PLPPR5: variants seen among roughly 807,000 people sequenced by gnomAD.
PLPPR5 encodes the protein phospholipid phosphatase related 5.
A neutral mutation model predicts 33.9 loss-of-function variants in PLPPR5; 16 were observed. The observed-to-expected ratio is 0.47, with a 90% CI of 0.32 to 0.72. The LOEUF (loss-of-function observed/expected upper bound fraction) is 0.72. PLPPR5 is among the 30% of genes least tolerant of loss of function. The pLI, the probability that PLPPR5 is intolerant of heterozygous loss-of-function variation, is 0.03. For missense variants in PLPPR5, 301 were observed against 406.7 expected (o/e 0.74, Z 2.23); for synonymous variants, 163 against 150.3 (o/e 1.08, Z -0.62).
chr1:98,943,462 A>C (rs1223650534), intron 3 of PLPPR5, among the ~76,000 whole-genome samples: 1 of 152,144 alleles, frequency 6.6e-6, no homozygotes, highest in Non-Finnish European at 1.5e-5. Flanking sequence ...TAGTGTCATC[A>C]CGGTCCCCTG....
chr1:98,890,905 C>T lies in PLPPR5; in HGVS notation c.*2167G>A, dbSNP rs147886570. 1 of 152,342 alleles carries T rather than the reference C, an allele frequency of 6.6e-6. No individual in the cohort carries two copies. The highest frequency in any genetic ancestry group is 1.9e-4 in the East Asian group (1 of 5,164). 9.4% of individuals were successfully genotyped at this position (152,342 alleles called of 1,614,324 possible). A position where few individuals can be genotyped will look rare whatever the true frequency, so the allele number is the denominator to read the frequency against. ...ACTCCTGCATTCGTATCAGGTTTAG[C>T]AAGGTGCAAAGAAGCAACCTTGACA... On this transcript the variant is annotated 3_prime_UTR_variant, in exon 6 of 6. Coordinates refer to ENST00000263177, the MANE Select transcript of PLPPR5 (RefSeq NM_001037317.2).
Position 98,891,008 on chromosome 1 carries a change from G to A in PLPPR5, c.*2064C>T, listed in dbSNP as rs1268639870. The stretch of plus-strand genomic sequence containing the variant: ...TTGGAAGTCTGATGTAGAATCAATA[G>A]AACTGATAGAAGTCTGGAAGCCTTA... On this transcript the variant is annotated 3_prime_UTR_variant, in exon 6 of 6. Coordinates refer to ENST00000263177, the MANE Select transcript of PLPPR5 (RefSeq NM_001037317.2). 2.6e-5 allele frequency: 4 copies of A among 152,206 alleles called. No individual in the cohort carries two copies. The highest frequency in any genetic ancestry group is 2.0e-4 in the Admixed American group (3 of 15,272). 9.4% of individuals were successfully genotyped at this position (152,206 alleles called of 1,614,324 possible). A position where few individuals can be genotyped will look rare whatever the true frequency, so the allele number is the denominator to read the frequency against.
At chr1:98,924,232 A>G (rs139069252) in intron 3 of PLPPR5, among the ~76,000 whole-genome samples, 50 of 152,322 alleles carry the variant, frequency 3.3e-4, no homozygotes, top group African/African-American at 1.2e-3. Flanking sequence ...GTTAGGTATC[A>G]CTGTTACCTC....
chr1:98,976,092 T>TA (rs34637022), intron 1 of PLPPR5, among the ~76,000 whole-genome samples: 19,657 of 74,678 alleles, frequency 0.26, 2,077 homozygotes, highest in African/African-American at 0.34. Context: ...TACTAAAAAG[T>TA]AAAAAAAAAA....
intron 4 of PLPPR5, among the ~76,000 whole-genome samples, chr1:98,915,594 G>C (rs1336803257): frequency 6.6e-6 from 1 of 151,352 alleles, no homozygotes; most frequent in Non-Finnish European, 1.5e-5. Flanking sequence ...AAAATAAAAA[G>C]CCTGATGTTC....
In PLPPR5 at chr1:98,916,394, C is replaced by T. The variant is rs575451009; in HGVS notation, c.799-1474G>A. ...GCTTGGAGATGGATACTTGATAAAG[C>T]TACTACCTCATGATGTTACCAGCTT... On this transcript the variant is annotated intron_variant, in intron 4 of 5. Coordinates refer to ENST00000263177, the MANE Select transcript of PLPPR5 (RefSeq NM_001037317.2). 3.3e-5 allele frequency among the ~76,000 whole-genome samples: 5 copies of T among 152,256 alleles called. No individual in the cohort carries two copies. In the South Asian group the frequency reaches 1.0e-3, roughly 32 times the overall value.
rs367889856 is a variant in PLPPR5 at position 98,972,990 on chromosome 1, C to T, written c.238-16249G>A. Among the ~76,000 whole-genome samples the T allele has an allele frequency of 5.2e-4, 79 of 152,088 alleles. 1 individual carries two copies. Among genetic ancestry groups the T allele is most frequent in the African/African-American group, 1.8e-3 (73 of 41,510 alleles). ...AAAAAGGGCAATCGTTGTGCAATCACGAGGGGAGTCAGCCCAGGGTAGAAC... is the reference window on the plus strand; with the variant it reads ...AAAAAGGGCAATCGTTGTGCAATCATGAGGGGAGTCAGCCCAGGGTAGAAC... On this transcript the variant is annotated intron_variant, in intron 1 of 5. Coordinates refer to ENST00000263177, the MANE Select transcript of PLPPR5 (RefSeq NM_001037317.2).
intron 5 of PLPPR5, among the ~76,000 whole-genome samples, chr1:98,899,825 ATTGT>A (rs1648625109): frequency 1.3e-5 from 2 of 152,000 alleles, no homozygotes; most frequent in Admixed American, 1.3e-4. Flanking sequence ...CACCCAGCTA[ATTGT>A]TTGTTTCACT....
At chr1:99,002,794 T>C (rs1162623479) in intron 1 of PLPPR5, among the ~76,000 whole-genome samples, 1 of 151,988 alleles carries the variant, frequency 6.6e-6, no homozygotes, top group African/African-American at 2.4e-5. Context: ...GTTACAGACA[T>C]TATTGATTAT....
intron 1 of PLPPR5, among the ~76,000 whole-genome samples, chr1:98,968,161 A>T (rs1651518565): frequency 6.6e-6 from 1 of 151,154 alleles, no homozygotes; most frequent in Non-Finnish European, 1.5e-5. Flanking sequence ...ACTCACATAA[A>T]GGTAGCAAAC....
rs546514356 is a variant in PLPPR5 at position 98,917,010 on chromosome 1, G to A, written c.799-2090C>T. ...GGTTGCAATAGATCACTAAGTTAAC[G>A]TCATTTCTTTGGCTGGCAAAGGTAT... On this transcript the variant is annotated intron_variant, in intron 4 of 5. Coordinates refer to ENST00000263177, the MANE Select transcript of PLPPR5 (RefSeq NM_001037317.2). 3.7e-4 allele frequency among the ~76,000 whole-genome samples: 56 copies of A among 152,114 alleles called. 1 individual carries two copies. In the South Asian group the frequency reaches 0.01, roughly 28 times the overall value.
chr1:98,988,392 T>C (rs948534574), intron 1 of PLPPR5, among the ~76,000 whole-genome samples: 3 of 152,098 alleles, frequency 2.0e-5, no homozygotes, highest in African/African-American at 7.2e-5. Flanking sequence ...AAAAAGCTTA[T>C]GTTTATGAAG....
intron 5 of PLPPR5, among the ~76,000 whole-genome samples, chr1:98,904,855 T>G (rs1028589819): frequency 6.6e-6 from 1 of 151,968 alleles, no homozygotes; most frequent in Non-Finnish European, 1.5e-5. Context: ...ATACTATGGG[T>G]AGGGGAGAGG....
At chr1:98,966,568 G>A (rs1651458205) in intron 1 of PLPPR5, among the ~76,000 whole-genome samples, 1 of 152,158 alleles carries the variant, frequency 6.6e-6, no homozygotes, top group Non-Finnish European at 1.5e-5. Context: ...TAATTGTGGG[G>A]ATGTGGCAAC....
intron 1 of PLPPR5, among the ~76,000 whole-genome samples, chr1:98,990,236 G>A (rs531583881): frequency 6.6e-6 from 1 of 152,158 alleles, no homozygotes; most frequent in African/African-American, 2.4e-5. Context: ...AGGCATGGTG[G>A]TGCACGCCAG....
chr1:98,996,694 G>A (rs1652646811), intron 1 of PLPPR5, among the ~76,000 whole-genome samples: 1 of 152,126 alleles, frequency 6.6e-6, no homozygotes, highest in South Asian at 2.1e-4. Context: ...TGGGAATGAT[G>A]AGCTGGGAAA....
chr1:98,995,242 C>T (rs772618938), intron 1 of PLPPR5, among the ~76,000 whole-genome samples: 19 of 151,816 alleles, frequency 1.3e-4, no homozygotes, highest in Non-Finnish European at 2.2e-4. Context: ...AGCAAAGAAA[C>T]GGAATCAACT....
chr1:98,907,203 C>CTTTTT lies in PLPPR5; in HGVS notation c.933+7578_933+7582dup, dbSNP rs5776440. Among the ~76,000 whole-genome samples, 58 of 132,150 alleles carry CTTTTT rather than the reference C, an allele frequency of 4.4e-4. 1 individual carries two copies. The highest frequency in any genetic ancestry group is 1.6e-3 in the African/African-American group (55 of 34,792). 86.7% of individuals were successfully genotyped at this position (132,150 alleles called of 152,430 possible). A position where few individuals can be genotyped will look rare whatever the true frequency, so the allele number is the denominator to read the frequency against. On this transcript the variant is annotated intron_variant, in intron 5 of 5. Coordinates refer to ENST00000263177, the MANE Select transcript of PLPPR5 (RefSeq NM_001037317.2). Reference sequence around the variant, plus strand: ...AAATTTAATTGTATTTATTGTAATCCTTTTTTTTTTTTTTTTCTGATGAAG... The same window carrying CTTTTT: ...AAATTTAATTGTATTTATTGTAATCCTTTTTTTTTTTTTTTTTTTTTCTGATGAAG...
At chr1:99,005,774 A>G (rs1192537021), upstream of PLPPR5, among the ~76,000 whole-genome samples, 2 of 152,204 alleles carry the variant, frequency 1.3e-5, no homozygotes, top group Non-Finnish European at 2.9e-5. Flanking sequence ...GCTGGCTCAC[A>G]GCACATGCAT....
Sources: gnomAD v4.1 joint callset for allele counts (sites outside exome capture counted in the v4.1 genomes callset) on GRCh38, gnomAD v4.1.1 for gene constraint, MANE v1.5 for transcripts, NCBI Gene and HGNC (gene_info 2026-07-23, HGNC 2026-07-21) for gene names.